SGCZ: variants seen among roughly 807,000 people sequenced by gnomAD.
SGCZ encodes zeta-sarcoglycan.
A neutral mutation model predicts 41.3 loss-of-function variants in SGCZ; 40 were observed. That is an observed-to-expected ratio of 0.97 (90% CI 0.75 to 1.26). SGCZ has a LOEUF of 1.26. Among genes scored for constraint, SGCZ ranks in the 50% most tolerant of loss-of-function variants. SGCZ has a pLI of 0.00. For missense variants in SGCZ, 552 were observed against 369.8 expected (o/e 1.49, Z -4.04); for synonymous variants, 206 against 137.5 (o/e 1.50, Z -3.49).
intron 1 of SGCZ, among the ~76,000 whole-genome samples, chr8:14,970,353 T>G (rs1351310427): frequency 6.6e-6 from 1 of 152,154 alleles, no homozygotes. Flanking sequence ...AGCTTTTAAA[T>G]AATTTGCTCC....
intron 2 of SGCZ, among the ~76,000 whole-genome samples, chr8:14,338,926 G>C (rs776996461): frequency 3.9e-5 from 6 of 152,132 alleles, no homozygotes; most frequent in Non-Finnish European, 8.8e-5. Flanking sequence ...GGTCCTCCTG[G>C]CTTCAGCCTG....
intron 1 of SGCZ, among the ~76,000 whole-genome samples, chr8:14,664,550 A>T (rs574549494): frequency 6.6e-6 from 1 of 152,194 alleles, no homozygotes; most frequent in East Asian, 1.9e-4. Context: ...AAAACACAAC[A>T]TCATACTTTA....
chr8:14,416,021 T>C (rs1046833400), intron 2 of SGCZ, among the ~76,000 whole-genome samples: 1 of 151,976 alleles, frequency 6.6e-6, no homozygotes, highest in African/African-American at 2.4e-5. Context: ...TCACCAGAAA[T>C]AGCCTGTGAG....
intron 1 of SGCZ, among the ~76,000 whole-genome samples, chr8:14,785,377 G>C (rs1323799588): frequency 2.0e-5 from 3 of 152,038 alleles, no homozygotes; most frequent in Admixed American, 6.6e-5. Context: ...GGAAACCCAA[G>C]TTTGCAAGGA....
intron 7 of SGCZ, among the ~76,000 whole-genome samples, chr8:14,100,186 A>G (rs1801970082): frequency 6.6e-6 from 1 of 152,036 alleles, no homozygotes; most frequent in Non-Finnish European, 1.5e-5. Flanking sequence ...TACTATAAAA[A>G]AAAACCACAG....
chr8:14,112,289 G>A (rs4517121), intron 5 of SGCZ, among the ~76,000 whole-genome samples: 2 of 148,070 alleles, frequency 1.4e-5, no homozygotes, highest in Non-Finnish European at 3.0e-5. Context: ...TTTGTGGGGG[G>A]GGGGTGCAAA....
At chr8:15,062,272 G>A (rs1158038042) in intron 1 of SGCZ, among the ~76,000 whole-genome samples, 1 of 151,988 alleles carries the variant, frequency 6.6e-6, no homozygotes, top group African/African-American at 2.4e-5. Context: ...ACCAAGTAAT[G>A]ACACAACCAT....
intron 4 of SGCZ, among the ~76,000 whole-genome samples, chr8:14,221,978 T>G (rs571123268): frequency 2.8e-5 from 4 of 144,626 alleles, no homozygotes; most frequent in Middle Eastern, 7.1e-3. Flanking sequence ...AAAAAAAAAG[T>G]GGAAGTGGGG....
intron 1 of SGCZ, among the ~76,000 whole-genome samples, chr8:14,982,883 A>AT (rs1381314627): frequency 1.3e-5 from 2 of 152,182 alleles, no homozygotes; most frequent in African/African-American, 4.8e-5. Context: ...TTTTATTAGC[A>AT]TTTACTATGT....
At position 14,890,448 on chromosome 8, in the gene SGCZ, C is replaced by T. The variant is rs576611148; in HGVS notation, c.40-335522G>A. 9.2e-5 allele frequency among the ~76,000 whole-genome samples: 14 copies of T among 152,246 alleles called. No homozygotes were observed. In the South Asian group the frequency reaches 1.0e-3, roughly 11 times the overall value. ...AAATCAGCCCCAACACTCCCCTAAG[C>T]GAAAGCCTATTCAAGTGCAAAGCCC... On this transcript the variant is annotated intron_variant, in intron 1 of 7. Coordinates refer to ENST00000382080, the MANE Select transcript of SGCZ (RefSeq NM_139167.4).
chr8:14,479,841 G>C (rs184852775), intron 2 of SGCZ, among the ~76,000 whole-genome samples: 16 of 148,674 alleles, frequency 1.1e-4, no homozygotes, highest in African/African-American at 3.0e-4. Context: ...CGCCTCCCAG[G>C]TTCAAGCAAT....
intron 1 of SGCZ, among the ~76,000 whole-genome samples, chr8:14,620,595 A>AG (rs963318628): frequency 6.6e-6 from 1 of 151,794 alleles, no homozygotes; most frequent in Non-Finnish European, 1.5e-5. Flanking sequence ...ATTTATGAGA[A>AG]AAAACAAACA....
At chr8:14,765,089 A>G (rs1585241306) in intron 1 of SGCZ, among the ~76,000 whole-genome samples, 1 of 152,212 alleles carries the variant, frequency 6.6e-6, no homozygotes, top group East Asian at 1.9e-4. Flanking sequence ...TTCACTTCTG[A>G]TACTGTGGCC....
intron 2 of SGCZ, among the ~76,000 whole-genome samples, chr8:14,489,828 T>A (rs536029570): frequency 6.6e-6 from 1 of 151,444 alleles, no homozygotes; most frequent in Non-Finnish European, 1.5e-5. Flanking sequence ...CCTAACATCA[T>A]GCAGCAGATT....
chr8:14,195,585 C>T (rs570057301), intron 4 of SGCZ, among the ~76,000 whole-genome samples: 1 of 152,144 alleles, frequency 6.6e-6, no homozygotes, highest in African/African-American at 2.4e-5. Flanking sequence ...ACAAAGAGGA[C>T]TATGCCAAAT....
At chr8:14,924,382 A>C (rs570357003) in intron 1 of SGCZ, among the ~76,000 whole-genome samples, 1 of 152,334 alleles carries the variant, frequency 6.6e-6, no homozygotes, top group African/African-American at 2.4e-5. Flanking sequence ...TTCCTACATG[A>C]CACTAGAGAT....
intron 1 of SGCZ, among the ~76,000 whole-genome samples, chr8:14,804,537 T>C (rs1801456808): frequency 7.5e-6 from 1 of 132,524 alleles, no homozygotes; most frequent in Non-Finnish European, 1.6e-5. Flanking sequence ...GAAAAAAGAA[T>C]AAAAAGAAAT....
At chr8:14,432,914 C>CAAAAAAAAAAAAAAAAAAAAAAAA (rs767979164) in intron 2 of SGCZ, among the ~76,000 whole-genome samples, 5 of 75,632 alleles carry the variant, frequency 6.6e-5, no homozygotes, top group South Asian at 4.3e-4. Context: ...ACTGTGTCTC[C>CAAAAAAAAAAAAAAAAAAAAAAAA]AAAAAAAAAA....
intron 1 of SGCZ, among the ~76,000 whole-genome samples, chr8:15,044,427 G>C (rs929109187): frequency 1.3e-5 from 2 of 152,266 alleles, no homozygotes; most frequent in East Asian, 3.9e-4. Flanking sequence ...TTCTGTGACA[G>C]TCTGCCTTTG....
Sources: allele counts gnomAD v4.1 joint callset (sites outside exome capture counted in the v4.1 genomes callset), GRCh38; gene constraint gnomAD v4.1.1; transcripts MANE v1.5; gene names NCBI Gene and HGNC (gene_info 2026-07-23, HGNC 2026-07-21).